The following AARS1 variants were observed in gnomAD, a reference collection of about 807,000 sequenced individuals.
The protein encoded by AARS1 is alanyl-tRNA synthetase 1.
Under a neutral mutation model 108.9 loss-of-function variants are expected in AARS1, and 72 were observed. That is an observed-to-expected ratio of 0.66 (90% CI 0.55 to 0.80). AARS1 has a LOEUF of 0.80. AARS1 is among the 30% of genes least tolerant of loss of function. The pLI is 0.00. For missense variants in AARS1, 1,193 were observed against 1,233.2 expected, an observed-to-expected ratio of 0.97 and a Z score of 0.49; for synonymous variants, 489 against 465.7, an observed-to-expected ratio of 1.05 and a Z score of -0.64.
rs1960924022 is a variant in AARS1 at position 70,288,446 on chromosome 16, GTC to G, written c.-22+973_-22+974del. 3.3e-5 allele frequency among the ~76,000 whole-genome samples: 5 copies of G among 151,514 alleles called. No homozygotes were observed. In the South Asian group the frequency reaches 1.0e-3, roughly 32 times the overall value. On this transcript the variant is annotated intron_variant, in intron 1 of 20. Coordinates refer to ENST00000261772, the MANE Select transcript of AARS1 (RefSeq NM_001605.3). ...TTGATAAGGCTCCCCCTCTTTTACT[GTC>G]TCACAGCCTCAAGTGTTTCCCTTCA...
intron 13 of AARS1, among the ~76,000 whole-genome samples, chr16:70,260,120 T>C (rs558359237): frequency 2.1e-4 from 32 of 152,328 alleles, no homozygotes; most frequent in Non-Finnish European, 4.3e-4. Context: ...TTACATATGG[T>C]CAATGGCTGC....
intron 3 of AARS1, 37 bp from the exon 4 acceptor site, chr16:70,276,668 C>T: frequency 6.2e-7 from 1 of 1,611,000 alleles, no homozygotes; most frequent in Non-Finnish European, 8.5e-7. Flanking sequence ...TGGAACATTG[C>T]CAAACCAAAA....
chr16:70,257,615 T>A (rs1487865082), intron 15 of AARS1, among the ~76,000 whole-genome samples: 1 of 152,078 alleles, frequency 6.6e-6, no homozygotes, highest in Admixed American at 6.6e-5. Flanking sequence ...TGGAGCTACA[T>A]TCCCCAGATG....
At chr16:70,253,004 G>T in intron 20 of AARS1, 98 bp from the exon 21 acceptor site, 4 of 1,347,688 alleles carry the variant, frequency 3.0e-6, no homozygotes, top group Non-Finnish European at 3.2e-6. Context: ...CCCACTCCTT[G>T]CCCTGGGTGA....
Position 70,253,267 on chromosome 16 carries a change from C to G in AARS1, c.2721+1G>C. On this transcript the variant is annotated splice_donor_variant, in intron 20 of 20. Transcript: ENST00000261772. LOFTEE classifies it high-confidence loss of function. ...TCCCACTGGTGCGAGGTGGTGCTGA[C>G]CTGGGGAACTTGACACAGGCACGTG... 1 of 1,611,104 alleles carries G rather than the reference C, an allele frequency of 6.2e-7. No individual in the cohort carries two copies. The highest frequency in any genetic ancestry group is 8.5e-7 in the Non-Finnish European group (1 of 1,177,246).
chr16:70,270,380 C>G, intron 5 of AARS1, 40 bp from the exon 6 acceptor site: 2 of 1,612,672 alleles, frequency 1.2e-6, no homozygotes, highest in Non-Finnish European at 8.5e-7. Flanking sequence ...AGCAGAGACT[C>G]AAGCTGCCAC....
rs1326776575 is a variant in AARS1, at chr16:70,289,411, G to A, written c.-22+10C>T. ...TCCTAGCACCGCAGAGCTCTCCGAG[G>A]GCGGCCTACCTCTCCTAGGGTCGCC... On this transcript the variant is annotated intron_variant, in intron 1 of 20. Coordinates refer to ENST00000261772, the MANE Select transcript of AARS1 (RefSeq NM_001605.3). The A allele has an allele frequency of 2.6e-6, 1 of 382,340 alleles. No individual in the cohort carries two copies. 23.7% of individuals were successfully genotyped at this position (382,340 alleles called of 1,614,324 possible). A position where few individuals can be genotyped will look rare whatever the true frequency, so the allele number is the denominator to read the frequency against.
chr16:70,264,103 G>A lies in AARS1; in HGVS notation c.1492+855C>T, dbSNP rs573664455. On this transcript the variant is annotated intron_variant, in intron 11 of 20. Transcript: ENST00000261772. Reference sequence around the variant, plus strand: ...TCTACTAAAAACACAAAAATCAGCCGGGTGTGGTGGTGCGTGGCTGTAATC... The same window carrying A: ...TCTACTAAAAACACAAAAATCAGCCAGGTGTGGTGGTGCGTGGCTGTAATC... Among the ~76,000 whole-genome samples, 8 of 151,552 alleles carry A rather than the reference G, an allele frequency of 5.3e-5. No homozygotes were observed. The South Asian group carries it at 1.3e-3, about 24-fold the overall frequency.
rs1458840401 is a variant in AARS1, at chr16:70,271,420, C to T, written c.671+361G>A. Among the ~76,000 whole-genome samples, 8 of 151,474 alleles carry T rather than the reference C, an allele frequency of 5.3e-5. No individual in the cohort carries two copies. In the South Asian group the frequency reaches 8.4e-4, roughly 16 times the overall value. On this transcript the variant is annotated intron_variant, in intron 5 of 20. Coordinates refer to ENST00000261772, the MANE Select transcript of AARS1 (RefSeq NM_001605.3). ...GCACATGCCTGTAATCCCAGCTACT[C>T]GGAAGGCTGAGGCAGGAGAATCGCT... is the stretch of plus-strand genomic sequence containing the variant.
At chr16:70,274,453 C>T (rs959309955) in intron 4 of AARS1, among the ~76,000 whole-genome samples, 1 of 150,052 alleles carries the variant, frequency 6.7e-6, no homozygotes, top group Non-Finnish European at 1.5e-5. Context: ...TGGCTGGGCA[C>T]GGTGGCTCAC....
intron 4 of AARS1, 37 bp from the exon 5 acceptor site, chr16:70,272,009 C>G (rs1439214807): frequency 6.3e-7 from 1 of 1,598,776 alleles, no homozygotes; most frequent in Non-Finnish European, 8.6e-7. Flanking sequence ...GTTACAGCCC[C>G]TGACAAGAGT....
In AARS1 at chr16:70,254,817, C is replaced by T. The variant is rs987738952; in HGVS notation, c.2287-83G>A. On this transcript the variant is annotated intron_variant, in intron 16 of 20. Coordinates refer to ENST00000261772, the MANE Select transcript of AARS1 (RefSeq NM_001605.3). ...TGTGTCTGAGCAGCTGCGGAAGCCC[C>T]GGCGGTAGGCCTTGCAGCAACATAC... 84 of 913,362 alleles carry T rather than the reference C, an allele frequency of 9.2e-5. No individual in the cohort carries two copies. The East Asian group carries it at 9.6e-4, about 10-fold the overall frequency. 56.6% of individuals were successfully genotyped at this position (913,362 alleles called of 1,614,324 possible). A position where few individuals can be genotyped will look rare whatever the true frequency, so the allele number is the denominator to read the frequency against.
chr16:70,261,140 C>T lies in AARS1; in HGVS notation c.1689G>A (p.Val563=), dbSNP rs536370318. ...DSSEDKTEFT[V]KNAQVRGGYV... is the part of the protein sequence containing the mutation. Reference sequence around the variant, plus strand: ...ACCCTCCTCGGACCTGAGCATTCTTCACTGTAAACTCTGTTTTCTAAGAGG... The same window carrying T: ...ACCCTCCTCGGACCTGAGCATTCTTTACTGTAAACTCTGTTTTCTAAGAGG... Residue 563 remains valine, a synonymous_variant, in exon 13 of 21, where the codon GTG becomes GTA. Transcript: ENST00000261772. 49 of 1,613,504 alleles carry T rather than the reference C, an allele frequency of 3.0e-5. No individual in the cohort carries two copies. The South Asian group carries it at 5.2e-4, about 17-fold the overall frequency.
rs2070203 is a variant in AARS1 at position 70,269,677 on chromosome 16, G to A, written c.903C>T (p.His301=). 0.49 allele frequency: 787,031 copies of A among 1,613,790 alleles called. 194,400 individuals are homozygous for A. Among genetic ancestry groups the A allele is most frequent in the Non-Finnish European group, 0.5 (588,533 of 1,179,936 alleles). ...CCAGTGCCACAGTGATGGTCCGAGC[G>A]TGGTCAGCCAGCACCCGGTAGGCCA... is the stretch of plus-strand genomic sequence containing the variant. The part of the protein sequence containing the change: ...IDMAYRVLAD[H]ARTITVALAD... The change falls in exon 7 of 21, where the codon CAC becomes CAT. Residue 301 remains histidine, a synonymous_variant. Transcript: ENST00000261772.
intron 9 of AARS1, among the ~76,000 whole-genome samples, chr16:70,267,128 AC>A (rs1262280560): frequency 3.3e-5 from 5 of 152,032 alleles, no homozygotes; most frequent in African/African-American, 1.2e-4. Flanking sequence ...GAGCCACCAC[AC>A]CCAGCTGACA....
chr16:70,267,533 G>A, intron 9 of AARS1, 126 bp downstream of exon 9: 1 of 1,209,538 alleles, frequency 8.3e-7, no homozygotes, highest in East Asian at 2.4e-5. Context: ...TGCACCAAAA[G>A]CAATTCAATC....
chr16:70,288,097 T>C (rs868469271), intron 1 of AARS1, among the ~76,000 whole-genome samples: 1 of 119,450 alleles, frequency 8.4e-6, no homozygotes, highest in Non-Finnish European at 1.7e-5. Context: ...TTCCCCTTCT[T>C]CTTTTTTTTT....
At chr16:70,270,066 G>T in intron 6 of AARS1, 130 bp downstream of exon 6, 1 of 1,173,676 alleles carries the variant, frequency 8.5e-7, no homozygotes, top group Non-Finnish European at 1.3e-6. Flanking sequence ...TATTAACAAT[G>T]AAGTAGGCAG....
At chr16:70,275,062 C>G (rs995577524) in intron 4 of AARS1, among the ~76,000 whole-genome samples, 2 of 149,966 alleles carry the variant, frequency 1.3e-5, no homozygotes, top group Non-Finnish European at 3.0e-5. Context: ...GAGTTTGAGA[C>G]TAGCCTGGCT....
Sources: gnomAD v4.1 joint callset for allele counts (sites outside exome capture counted in the v4.1 genomes callset) on GRCh38, gnomAD v4.1.1 for gene constraint, MANE v1.5 for transcripts, NCBI Gene and HGNC (gene_info 2026-07-23, HGNC 2026-07-21) for gene names.